EXT1: variants seen among roughly 807,000 people sequenced by gnomAD.
EXT1 encodes the protein exostosin glycosyltransferase 1, also known as exostosin-1.
In EXT1, 20 loss-of-function variants were observed where a neutral mutation model predicts 82.5. The observed-to-expected ratio is 0.24, with a 90% CI of 0.17 to 0.35. The LOEUF (loss-of-function observed/expected upper bound fraction) is 0.35. Ranked by LOEUF, EXT1 falls within the 10% of genes least tolerant of loss-of-function variation. EXT1 has a pLI of 1.00. For synonymous variants in EXT1, 348 were observed against 350.8 expected (o/e 0.99, Z 0.09); for missense variants, 757 against 936.5 (o/e 0.81, Z 2.50).
chr8:118,098,555 G>A (rs1817660302), intron 1 of EXT1, among the ~76,000 whole-genome samples: 1 of 152,094 alleles, frequency 6.6e-6, no homozygotes, highest in African/African-American at 2.4e-5. Flanking sequence ...AGGAGATCAA[G>A]ACCGTCCTGG....
chr8:117,801,751 C>T (rs1310279303), intron 10 of EXT1, among the ~76,000 whole-genome samples: 1 of 152,168 alleles, frequency 6.6e-6, no homozygotes, highest in Non-Finnish European at 1.5e-5. Flanking sequence ...AGCAATCCAC[C>T]TGCTCTGGCC....
intron 1 of EXT1, among the ~76,000 whole-genome samples, chr8:117,980,871 C>T (rs62520079): frequency 6.6e-6 from 1 of 152,120 alleles, no homozygotes; most frequent in Non-Finnish European, 1.5e-5. Context: ...GACAAACACA[C>T]ACTCCCGCTG....
chr8:118,108,921 G>A (rs1471391878), intron 1 of EXT1, among the ~76,000 whole-genome samples: 1 of 152,164 alleles, frequency 6.6e-6, no homozygotes, highest in Non-Finnish European at 1.5e-5. Flanking sequence ...ACTCAGCTGA[G>A]AGGTTCCCCT....
chr8:118,058,629 C>T (rs1238010868), intron 1 of EXT1, among the ~76,000 whole-genome samples: 2 of 152,102 alleles, frequency 1.3e-5, no homozygotes, highest in Non-Finnish European at 2.9e-5. Context: ...AAGAGGATTA[C>T]TAATCCACCT....
intron 1 of EXT1, among the ~76,000 whole-genome samples, chr8:117,853,914 C>A (rs1180219955): frequency 1.3e-5 from 2 of 152,232 alleles, no homozygotes; most frequent in Non-Finnish European, 2.9e-5. Flanking sequence ...ACTGAAATGA[C>A]TTAATTGCAG....
chr8:118,083,354 C>T (rs1325090726), intron 1 of EXT1, among the ~76,000 whole-genome samples: 1 of 152,180 alleles, frequency 6.6e-6, no homozygotes, highest in African/African-American at 2.4e-5. Flanking sequence ...TTAATACTCT[C>T]CATCGAGTCC....
intron 1 of EXT1, among the ~76,000 whole-genome samples, chr8:117,978,303 T>C (rs1435633199): frequency 6.6e-6 from 1 of 152,224 alleles, no homozygotes; most frequent in Admixed American, 6.5e-5. Flanking sequence ...TAAAACCACA[T>C]TGTTACGCTC....
chr8:117,925,009 A>C lies in EXT1; in HGVS notation c.963-87808T>G, dbSNP rs1309766238. 2.0e-5 allele frequency among the ~76,000 whole-genome samples: 3 copies of C among 152,318 alleles called. No homozygotes were observed. In the East Asian group the frequency reaches 5.8e-4, roughly 29 times the overall value. ...TGGTTCTAAAATGACTTTTATTATA[A>C]ATTTAGTGACATGTTTCCATGGAGA... On this transcript the variant is annotated intron_variant, in intron 1 of 10. Coordinates refer to ENST00000378204, the MANE Select transcript of EXT1 (RefSeq NM_000127.3).
At chr8:117,929,831 G>A (rs1257967110) in intron 1 of EXT1, among the ~76,000 whole-genome samples, 1 of 152,178 alleles carries the variant, frequency 6.6e-6, no homozygotes, top group Non-Finnish European at 1.5e-5. Context: ...AGAGCAGCCA[G>A]GCGTGGTGCC....
intron 1 of EXT1, among the ~76,000 whole-genome samples, chr8:118,079,536 C>G (rs1243098314): frequency 6.6e-6 from 1 of 152,170 alleles, no homozygotes; most frequent in East Asian, 1.9e-4. Context: ...ATTGTTCAGC[C>G]GGCTGGTGTT....
chr8:117,940,818 G>A (rs1357845292), intron 1 of EXT1, among the ~76,000 whole-genome samples: 3 of 152,158 alleles, frequency 2.0e-5, no homozygotes, highest in Admixed American at 6.5e-5. Context: ...GGCATCCTGC[G>A]TGTATTCCTT....
chr8:117,802,267 A>G (rs1258779667), intron 10 of EXT1, among the ~76,000 whole-genome samples: 4 of 152,212 alleles, frequency 2.6e-5, no homozygotes, highest in Non-Finnish European at 5.9e-5. Flanking sequence ...GAGGCCTTGT[A>G]TGACTAGAAT....
At chr8:117,919,421 C>T (rs1216544230) in intron 1 of EXT1, among the ~76,000 whole-genome samples, 2 of 151,890 alleles carry the variant, frequency 1.3e-5, no homozygotes, top group Non-Finnish European at 2.9e-5. Flanking sequence ...AACTCCCAGG[C>T]TCAAGCAGTC....
chr8:117,873,229 T>G (rs1812905567), intron 1 of EXT1, among the ~76,000 whole-genome samples: 1 of 152,158 alleles, frequency 6.6e-6, no homozygotes, highest in African/African-American at 2.4e-5. Context: ...TCTCCACAAC[T>G]GTGAAAAATA....
At chr8:118,009,218 C>T (rs1411078997) in intron 1 of EXT1, among the ~76,000 whole-genome samples, 2 of 152,220 alleles carry the variant, frequency 1.3e-5, no homozygotes, top group Non-Finnish European at 2.9e-5. Flanking sequence ...GTGAGCACGC[C>T]TCCCAGACTA....
chr8:117,979,204 T>C (rs1472988500), intron 1 of EXT1, among the ~76,000 whole-genome samples: 5 of 151,646 alleles, frequency 3.3e-5, no homozygotes, highest in Admixed American at 2.0e-4. Flanking sequence ...AACACAAAAA[T>C]TGGCCGGGCA....
At chr8:117,969,335 C>G (rs1814892544) in intron 1 of EXT1, among the ~76,000 whole-genome samples, 1 of 152,210 alleles carries the variant, frequency 6.6e-6, no homozygotes, top group Non-Finnish European at 1.5e-5. Context: ...ACAGAGTTTT[C>G]CAGGGCAATC....
chr8:117,944,232 C>G (rs1814341753), intron 1 of EXT1, among the ~76,000 whole-genome samples: 1 of 151,938 alleles, frequency 6.6e-6, no homozygotes, highest in Admixed American at 6.6e-5. Flanking sequence ...TCCGTCTCTA[C>G]AAAAAAATAC....
intron 1 of EXT1, among the ~76,000 whole-genome samples, chr8:117,867,346 A>T (rs2129881098): frequency 6.6e-6 from 1 of 151,840 alleles, no homozygotes; most frequent in Middle Eastern, 3.4e-3. Context: ...CACTCCTGCT[A>T]GAGGTAGTGG....
Sources: allele counts gnomAD v4.1 joint callset (sites outside exome capture counted in the v4.1 genomes callset), GRCh38; gene constraint gnomAD v4.1.1; transcripts MANE v1.5; gene names NCBI Gene and HGNC (gene_info 2026-07-23, HGNC 2026-07-21).